Variants in TPTE observed in about 807,000 individuals in gnomAD.
The protein encoded by TPTE is transmembrane phosphatase with tensin homology, also known as putative tyrosine-protein phosphatase TPTE.
A neutral mutation model predicts 84.1 loss-of-function variants in TPTE; 59 were observed. The observed-to-expected ratio is 0.70, with a 90% confidence interval of 0.57 to 0.87. TPTE has a LOEUF of 0.87. TPTE is among the 40% of genes least tolerant of loss of function. The pLI is 0.00. For synonymous variants in TPTE, 130 were observed against 223.5 expected, an observed-to-expected ratio of 0.58 and a Z score of 3.73; for missense variants, 382 against 659.6, an observed-to-expected ratio of 0.58 and a Z score of 4.61.
chr21:10,569,631 A>T lies in TPTE; in HGVS notation c.667-52A>T, dbSNP rs556857455. The T allele has an allele frequency of 5.3e-5, 85 of 1,613,618 alleles. No homozygotes were observed. The African/African-American group carries it at 9.9e-4, about 19-fold the overall frequency. On this transcript the variant is annotated intron_variant, in intron 12 of 23. Coordinates refer to ENST00000618007, the MANE Select transcript of TPTE (RefSeq NM_199261.4). ...ATATCTATACTGTATAATGTTTTTT[A>T]TTTTTATGTTGATGAGTGTTTCACA...
chr21:10,549,541 A>G (rs534585109), intron 7 of TPTE, among the ~76,000 whole-genome samples: 105 of 152,378 alleles, frequency 6.9e-4, no homozygotes, highest in Middle Eastern at 6.8e-3. Context: ...AAACAGTTCA[A>G]TGGATGAAAT....
chr21:10,526,399 T>G (rs1330044370), intron 2 of TPTE, among the ~76,000 whole-genome samples: 1 of 152,312 alleles, frequency 6.6e-6, no homozygotes, highest in South Asian at 2.1e-4. Context: ...GGGGAACTTT[T>G]CTTAAAGACA....
At chr21:10,562,467 A>T (rs1202621644) in intron 10 of TPTE, among the ~76,000 whole-genome samples, 1 of 152,278 alleles carries the variant, frequency 6.6e-6, no homozygotes, top group African/African-American at 2.4e-5. Flanking sequence ...TTTCAGACAA[A>T]GAAATCAAAA....
intron 1 of TPTE, among the ~76,000 whole-genome samples, chr21:10,522,593 A>G (rs1305907677): frequency 1.3e-5 from 2 of 152,306 alleles, no homozygotes; most frequent in African/African-American, 2.4e-5. Flanking sequence ...TCTAATAGAT[A>G]GTGATGATGA....
chr21:10,533,662 C>G (rs1302169791), intron 3 of TPTE, among the ~76,000 whole-genome samples: 1 of 152,310 alleles, frequency 6.6e-6, no homozygotes, highest in Non-Finnish European at 1.5e-5. Flanking sequence ...TATAGTCAGT[C>G]TCACTGAAAT....
chr21:10,534,714 T>C (rs2074238239), intron 3 of TPTE, among the ~76,000 whole-genome samples: 1 of 152,310 alleles, frequency 6.6e-6, no homozygotes, highest in South Asian at 2.1e-4. Context: ...AAATGTTAAC[T>C]ATAGAGTTTC....
intron 7 of TPTE, among the ~76,000 whole-genome samples, chr21:10,552,340 CACAT>C (rs2074590271): frequency 6.6e-6 from 1 of 152,302 alleles, no homozygotes; most frequent in Non-Finnish European, 1.5e-5. Flanking sequence ...TATGTCTACA[CACAT>C]ATTATTTATA....
intron 3 of TPTE, among the ~76,000 whole-genome samples, chr21:10,533,163 G>C (rs2074208204): frequency 6.6e-6 from 1 of 152,304 alleles, no homozygotes; most frequent in Non-Finnish European, 1.5e-5. Context: ...ACTATTTTCT[G>C]GGTAAGTTTC....
chr21:10,591,119 A>G (rs1256507237), intron 18 of TPTE, among the ~76,000 whole-genome samples: 17 of 152,282 alleles, frequency 1.1e-4, no homozygotes, highest in Non-Finnish European at 2.4e-4. Flanking sequence ...ACTCAAAACA[A>G]AGCCTCTCCT....
chr21:10,529,262 T>G (rs1161930551), intron 3 of TPTE, among the ~76,000 whole-genome samples: 4 of 152,292 alleles, frequency 2.6e-5, no homozygotes, highest in Non-Finnish European at 5.9e-5. Flanking sequence ...TAAGCATGTG[T>G]GATATCTAAA....
chr21:10,540,048 CCAAAA>C (rs2074339755), intron 4 of TPTE, among the ~76,000 whole-genome samples: 1 of 152,290 alleles, frequency 6.6e-6, no homozygotes, highest in African/African-American at 2.4e-5. Flanking sequence ...AAACAAAAAA[CCAAAA>C]CAAAAGCAAT....
intron 14 of TPTE, among the ~76,000 whole-genome samples, chr21:10,572,222 G>T (rs1211787698): frequency 3.3e-5 from 5 of 152,210 alleles, no homozygotes; most frequent in Admixed American, 3.3e-4. Flanking sequence ...GGCTGAGGCG[G>T]GTGGATCACT....
chr21:10,559,166 C>G (rs1257706085), intron 8 of TPTE, among the ~76,000 whole-genome samples: 1 of 152,310 alleles, frequency 6.6e-6, no homozygotes, highest in African/African-American at 2.4e-5. Context: ...TTCTACCACC[C>G]TTTTCTGTCT....
chr21:10,601,936 A>G, intron 21 of TPTE, 122 bp from the exon 22 acceptor site: 1 of 958,876 alleles, frequency 1.0e-6, no homozygotes, highest in Non-Finnish European at 1.6e-6. Flanking sequence ...TTATGTATGT[A>G]GTGATTGGGC....
At chr21:10,580,326 T>G (rs1222227062) in intron 17 of TPTE, among the ~76,000 whole-genome samples, 4 of 152,304 alleles carry the variant, frequency 2.6e-5, no homozygotes, top group Non-Finnish European at 4.4e-5. Flanking sequence ...TCTATAAATA[T>G]CTCCTTTGCT....
intron 7 of TPTE, among the ~76,000 whole-genome samples, chr21:10,545,399 G>C (rs1600877004): frequency 6.6e-6 from 1 of 152,308 alleles, no homozygotes; most frequent in African/African-American, 2.4e-5. Flanking sequence ...CACATTTTGA[G>C]GATTCAGCCA....
chr21:10,580,955 T>C (rs2075260829), intron 17 of TPTE, among the ~76,000 whole-genome samples: 1 of 152,310 alleles, frequency 6.6e-6, no homozygotes, highest in Non-Finnish European at 1.5e-5. Context: ...TCTAAGCATA[T>C]TTCACAAATT....
chr21:10,538,418 CACGCATTGGG>C (rs1169859497), intron 3 of TPTE, among the ~76,000 whole-genome samples: 1 of 152,306 alleles, frequency 6.6e-6, no homozygotes, highest in Non-Finnish European at 1.5e-5. Flanking sequence ...CAAAGGCTGT[CACGCATTGGG>C]ACTGAGGTCA....
chr21:10,560,642 T>C (rs1483410603), intron 9 of TPTE, among the ~76,000 whole-genome samples: 1 of 152,426 alleles, frequency 6.6e-6, no homozygotes, highest in East Asian at 1.9e-4. Context: ...TTTAGAATTA[T>C]CCAGATTAAT....
Sources: allele counts gnomAD v4.1 joint callset (sites outside exome capture counted in the v4.1 genomes callset), GRCh38; gene constraint gnomAD v4.1.1; transcripts MANE v1.5; gene names NCBI Gene and HGNC (gene_info 2026-07-23, HGNC 2026-07-21).